Variants in ST18 observed in about 807,000 individuals in gnomAD.
ST18 encodes the protein ST18 C2H2C-type zinc finger transcription factor, also known as suppression of tumorigenicity 18 protein.
Under a neutral mutation model 110.0 loss-of-function variants are expected in ST18, and 50 were observed. That is an observed-to-expected ratio of 0.45 (90% CI 0.36 to 0.58). The LOEUF (loss-of-function observed/expected upper bound fraction) is 0.58. Among genes scored for constraint, ST18 ranks in the 20% least tolerant of loss-of-function variants. The probability of loss-of-function intolerance (pLI) is 0.00; values close to 1 mark genes in which losing one functional copy is unlikely to be tolerated. For synonymous variants in ST18, 461 were observed against 452.4 expected (o/e 1.02, Z -0.24); for missense variants, 1,306 against 1,280.1 (o/e 1.02, Z -0.31).
In ST18 at chr8:52,139,294, G is replaced by A. The variant is rs376808827; in HGVS notation, c.2169-1811C>T. 1.1e-3 allele frequency among the ~76,000 whole-genome samples: 173 copies of A among 151,572 alleles called. 2 individuals carry two copies. Among genetic ancestry groups the A allele is most frequent in the African/African-American group, 3.5e-3 (145 of 41,386 alleles). On this transcript the variant is annotated intron_variant, in intron 17 of 25. Transcript: ENST00000689386. Reference sequence around the variant, plus strand: ...GGAATTCCCACTTTAGAAATACATCGCCATTTAGTGTTACAAACAGCATTG... The same window carrying A: ...GGAATTCCCACTTTAGAAATACATCACCATTTAGTGTTACAAACAGCATTG...
intron 2 of ST18, among the ~76,000 whole-genome samples, chr8:52,262,515 G>A (rs2094726440): frequency 6.6e-6 from 1 of 152,218 alleles, no homozygotes; most frequent in Non-Finnish European, 1.5e-5. Context: ...CAGTGAATCT[G>A]AGTCCTGAAT....
intron 17 of ST18, among the ~76,000 whole-genome samples, chr8:52,141,709 A>G (rs1490551020): frequency 6.6e-6 from 1 of 152,186 alleles, no homozygotes; most frequent in African/African-American, 2.4e-5. Context: ...TGGGGACAGC[A>G]TTCTGGGCAG....
chr8:52,256,427 A>G (rs2094531249), intron 2 of ST18, among the ~76,000 whole-genome samples: 2 of 152,146 alleles, frequency 1.3e-5, no homozygotes, highest in African/African-American at 2.4e-5. Context: ...CAGTGGCACA[A>G]TCACAGCGCA....
intron 23 of ST18, among the ~76,000 whole-genome samples, chr8:52,121,541 A>G (rs1398427973): frequency 6.6e-6 from 1 of 152,184 alleles, no homozygotes; most frequent in Non-Finnish European, 1.5e-5. Flanking sequence ...CTGCACTTCC[A>G]AATATTAACT....
At chr8:52,299,471 T>G (rs1037894014) in intron 2 of ST18, among the ~76,000 whole-genome samples, 1 of 152,240 alleles carries the variant, frequency 6.6e-6, no homozygotes, top group Non-Finnish European at 1.5e-5. Context: ...TTTTCAAGTC[T>G]CTCTTTTTAT....
intron 8 of ST18, among the ~76,000 whole-genome samples, chr8:52,198,165 C>T (rs1018302257): frequency 1.3e-5 from 2 of 152,066 alleles, no homozygotes; most frequent in African/African-American, 4.8e-5. Flanking sequence ...CACCACCACG[C>T]CTGGCTAATT....
intron 2 of ST18, among the ~76,000 whole-genome samples, chr8:52,276,025 A>C (rs371367981): frequency 0.25 from 7,200 of 29,312 alleles, 232 homozygotes; most frequent in Middle Eastern, 0.32. Context: ...CATACCCCCC[A>C]CACACACACC....
intron 2 of ST18, among the ~76,000 whole-genome samples, chr8:52,260,633 C>G (rs906579969): frequency 2.0e-5 from 3 of 152,172 alleles, no homozygotes; most frequent in Admixed American, 6.5e-5. Context: ...TGGGCACACA[C>G]TGGGCATGTG....
chr8:52,189,900 A>C (rs953553819), intron 8 of ST18, among the ~76,000 whole-genome samples: 1 of 152,208 alleles, frequency 6.6e-6, no homozygotes, highest in Admixed American at 6.5e-5. Flanking sequence ...CTTCTTGGCT[A>C]GTGCGGTAGG....
intron 8 of ST18, among the ~76,000 whole-genome samples, chr8:52,191,406 G>T (rs1438006121): frequency 2.6e-5 from 4 of 152,086 alleles, no homozygotes; most frequent in African/African-American, 7.2e-5. Flanking sequence ...ATGTCAAGCA[G>T]GCCCAGAAAC....
intron 2 of ST18, among the ~76,000 whole-genome samples, chr8:52,243,854 A>C (rs1012738485): frequency 1.3e-5 from 2 of 151,760 alleles, no homozygotes; most frequent in Admixed American, 1.3e-4. Context: ...GGTGATGGGG[A>C]GTGTGTGTGA....
Position 52,116,019 on chromosome 8 carries a change from C to T in ST18, c.3003+256G>A, listed in dbSNP as rs1253013650. On this transcript the variant is annotated intron_variant, in intron 25 of 25. Coordinates refer to ENST00000689386, the MANE Select transcript of ST18 (RefSeq NM_001352837.2). ...TCAACTTTCACATGACATTGTGAAC[C>T]GAGCTTTAAAAAATCCTTTGTTTTT... 3.9e-5 allele frequency among the ~76,000 whole-genome samples: 6 copies of T among 151,954 alleles called. No homozygotes were observed. The East Asian group carries it at 5.8e-4, about 15-fold the overall frequency.
At chr8:52,159,390 C>T (rs557268353) in intron 14 of ST18, among the ~76,000 whole-genome samples, 51 of 152,106 alleles carry the variant, frequency 3.4e-4, no homozygotes, top group Non-Finnish European at 6.9e-4. Context: ...TGTTATGGGG[C>T]AGGTGCACTG....
intron 2 of ST18, among the ~76,000 whole-genome samples, chr8:52,277,804 G>T (rs1379663683): frequency 6.6e-6 from 1 of 152,110 alleles, no homozygotes; most frequent in Admixed American, 6.5e-5. Flanking sequence ...TTGTTGCTGA[G>T]ATGAATATAT....
intron 23 of ST18, among the ~76,000 whole-genome samples, chr8:52,123,033 C>T (rs375967313): frequency 6.6e-6 from 1 of 152,076 alleles, no homozygotes. Flanking sequence ...CTTGTTTCTA[C>T]AAAGCACAGA....
intron 2 of ST18, among the ~76,000 whole-genome samples, chr8:52,271,031 T>C (rs1434567532): frequency 3.3e-5 from 5 of 151,896 alleles, no homozygotes; most frequent in African/African-American, 4.8e-5. Context: ...CCCGAGTAGC[T>C]GGGACTACGG....
In ST18 at chr8:52,321,704, T is replaced by A. The variant is rs752687879; in HGVS notation, c.-465+87624A>T. Among the ~76,000 whole-genome samples the A allele has an allele frequency of 4.6e-5, 7 of 152,206 alleles. 1 individual carries two copies. The highest frequency in any genetic ancestry group is 1.0e-4 in the Non-Finnish European group (7 of 68,032). On this transcript the variant is annotated intron_variant, in intron 2 of 25. Coordinates refer to ENST00000689386, the MANE Select transcript of ST18 (RefSeq NM_001352837.2). ...TCATTTATGAATTTCACAATGCCTGTCAAAAACAGTGGCAAACAAATAAAG... is the reference window on the plus strand; with the variant it reads ...TCATTTATGAATTTCACAATGCCTGACAAAAACAGTGGCAAACAAATAAAG...
At chr8:52,369,003 A>G (rs533068519) in intron 2 of ST18, among the ~76,000 whole-genome samples, 1 of 152,230 alleles carries the variant, frequency 6.6e-6, no homozygotes, top group Admixed American at 6.5e-5. Flanking sequence ...AAGGGCCAGA[A>G]AGTCAGTCCT....
At chr8:52,303,525 G>A (rs1308811648) in intron 2 of ST18, among the ~76,000 whole-genome samples, 2 of 152,188 alleles carry the variant, frequency 1.3e-5, no homozygotes, top group African/African-American at 2.4e-5. Context: ...TCTTTTGGGG[G>A]CATGCGATTC....
Sources: gnomAD v4.1 joint callset for allele counts (sites outside exome capture counted in the v4.1 genomes callset) on GRCh38, gnomAD v4.1.1 for gene constraint, MANE v1.5 for transcripts, NCBI Gene and HGNC (gene_info 2026-07-23, HGNC 2026-07-21) for gene names.